Variants in TCF12 observed in about 807,000 individuals in gnomAD.
TCF12 encodes DNA-binding protein HTF4.
Under a neutral mutation model 86.0 loss-of-function variants are expected in TCF12, and 45 were observed. That is an observed-to-expected ratio of 0.52 (90% CI 0.41 to 0.67). The LOEUF (loss-of-function observed/expected upper bound fraction) is 0.67, where lower values mean the gene tolerates loss of function less well. TCF12 is among the 30% of genes least tolerant of loss of function. The pLI, the probability that TCF12 is intolerant of heterozygous loss-of-function variation, is 0.00. For synonymous variants in TCF12, 330 were observed against 299.6 expected (o/e 1.10, Z -1.05); for missense variants, 881 against 859.9 (o/e 1.02, Z -0.31).
chr15:56,983,998 T>C (rs1242832134), intron 3 of TCF12, among the ~76,000 whole-genome samples: 4 of 2,278 alleles, frequency 1.8e-3, no homozygotes, highest in Non-Finnish European at 0.017. Flanking sequence ...TGAGACCCTG[T>C]CTCAAAAAAA....
chr15:57,130,821 G>A (rs962510587), intron 5 of TCF12, among the ~76,000 whole-genome samples: 5 of 152,084 alleles, frequency 3.3e-5, no homozygotes, highest in South Asian at 4.1e-4. Context: ...CACAACTTAC[G>A]AGTTGTATGT....
chr15:57,183,681 GA>G (rs11312843), intron 6 of TCF12, among the ~76,000 whole-genome samples: 151,887 of 152,214 alleles, frequency 1, 75,781 homozygotes, highest in Middle Eastern at 1. Context: ...AATGGGGAAA[GA>G]AAAAAATGAA....
At chr15:57,046,612 T>C (rs2141514527) in intron 3 of TCF12, among the ~76,000 whole-genome samples, 1 of 152,096 alleles carries the variant, frequency 6.6e-6, no homozygotes, top group African/African-American at 2.4e-5. Flanking sequence ...CCACTTAATT[T>C]TTGTATGTTT....
chr15:57,229,725 T>G (rs1469393052), intron 8 of TCF12, among the ~76,000 whole-genome samples: 3 of 151,916 alleles, frequency 2.0e-5, no homozygotes, highest in African/African-American at 7.2e-5. Flanking sequence ...ACTTATTGCC[T>G]GCATACTTCG....
chr15:56,971,288 C>T (rs1156914291), intron 3 of TCF12, among the ~76,000 whole-genome samples: 2 of 151,706 alleles, frequency 1.3e-5, no homozygotes, highest in Non-Finnish European at 2.9e-5. Context: ...ATTAGCTGGG[C>T]GTGGTAGTGG....
chr15:57,213,581 C>T (rs552175832), intron 8 of TCF12, among the ~76,000 whole-genome samples: 4 of 152,148 alleles, frequency 2.6e-5, no homozygotes, highest in African/African-American at 4.8e-5. Context: ...ATGTTAACTT[C>T]TGGTCTTTTA....
At chr15:57,141,654 G>A (rs960912158) in intron 5 of TCF12, among the ~76,000 whole-genome samples, 32 of 152,162 alleles carry the variant, frequency 2.1e-4, no homozygotes, top group African/African-American at 7.5e-4. Context: ...CAGACCACTC[G>A]CTGTTATTTT....
intron 4 of TCF12, among the ~76,000 whole-genome samples, chr15:57,076,113 C>A (rs557350225): frequency 6.6e-6 from 1 of 151,562 alleles, no homozygotes; most frequent in African/African-American, 2.4e-5. Context: ...GCCTTGGCCT[C>A]CCAAAGTCCT....
chr15:57,090,327 CA>C (rs1283882326), intron 4 of TCF12, among the ~76,000 whole-genome samples: 2 of 152,170 alleles, frequency 1.3e-5, no homozygotes, highest in African/African-American at 4.8e-5. Context: ...CTGTATCAGA[CA>C]GGACTTATGG....
At chr15:57,086,209 G>GATAATAATA (rs1404728992) in intron 4 of TCF12, among the ~76,000 whole-genome samples, 134 of 39,342 alleles carry the variant, frequency 3.4e-3, no homozygotes, top group African/African-American at 0.011. Context: ...CTTGGATGAT[G>GATAATAATA]ATGATAATAA....
intron 5 of TCF12, among the ~76,000 whole-genome samples, chr15:57,124,486 C>T (rs1414631103): frequency 1.3e-5 from 2 of 151,994 alleles, no homozygotes; most frequent in African/African-American, 2.4e-5. Flanking sequence ...TTCATGGATC[C>T]GATTGAACTG....
Position 57,087,061 on chromosome 15 carries a change from G to GTCTCCCTCTC in TCF12, c.223-4718_223-4709dup, listed in dbSNP as rs201978581. ...CCTCTCTCTCCCTCTGTCTCCCTCT[G>GTCTCCCTCTC]TCTCCCTCTCTCTCCCTCTGTCTCC... On this transcript the variant is annotated intron_variant, in intron 4 of 20. Transcript: ENST00000333725. 1.5e-3 allele frequency among the ~76,000 whole-genome samples: 217 copies of GTCTCCCTCTC among 142,908 alleles called. 2 individuals carry two copies. The highest frequency in any genetic ancestry group is 5.4e-3 in the African/African-American group (203 of 37,906). The allele number at this position is 142,908 out of a possible 152,430, so 93.8% of individuals were successfully genotyped here. A position where few individuals can be genotyped will look rare whatever the true frequency, so the allele number is the denominator to read the frequency against.
chr15:57,213,012 A>G (rs759889924), intron 8 of TCF12, among the ~76,000 whole-genome samples: 2 of 152,244 alleles, frequency 1.3e-5, no homozygotes, highest in African/African-American at 2.4e-5. Flanking sequence ...ACTGCTACAT[A>G]GAACAAGTAG....
At chr15:57,087,272 C>T (rs556638516) in intron 4 of TCF12, among the ~76,000 whole-genome samples, 18 of 151,720 alleles carry the variant, frequency 1.2e-4, no homozygotes, top group Non-Finnish European at 2.4e-4. Flanking sequence ...ATTGGCTGGT[C>T]GTGGTGGTGT....
intron 3 of TCF12, among the ~76,000 whole-genome samples, chr15:56,940,583 T>C (rs934185363): frequency 4.9e-5 from 7 of 143,628 alleles, no homozygotes; most frequent in African/African-American, 1.3e-4. Flanking sequence ...TTCTTCTCCT[T>C]CTCCTCCTCC....
chr15:57,123,651 T>TAA (rs1331934971), intron 5 of TCF12, among the ~76,000 whole-genome samples: 1 of 144,938 alleles, frequency 6.9e-6, no homozygotes, highest in Non-Finnish European at 1.5e-5. Context: ...TCAGCTAATG[T>TAA]AAAAAAAAAA....
chr15:57,253,930 T>C (rs1417067756), intron 16 of TCF12, among the ~76,000 whole-genome samples: 2 of 152,192 alleles, frequency 1.3e-5, no homozygotes, highest in African/African-American at 4.8e-5. Flanking sequence ...GTAATTTCAG[T>C]AATAAATAAA....
chr15:57,246,118 A>T (rs544452743), intron 13 of TCF12, among the ~76,000 whole-genome samples: 10 of 152,128 alleles, frequency 6.6e-5, no homozygotes, highest in Non-Finnish European at 1.2e-4. Context: ...TATCTAGAGT[A>T]AAAAAATTCT....
chr15:56,987,506 G>A (rs1458111584), intron 3 of TCF12, among the ~76,000 whole-genome samples: 1 of 152,130 alleles, frequency 6.6e-6, no homozygotes, highest in South Asian at 2.1e-4. Context: ...GTCTGCCTGT[G>A]TCATGAGGAA....
Sources: allele counts gnomAD v4.1 joint callset (sites outside exome capture counted in the v4.1 genomes callset), GRCh38; gene constraint gnomAD v4.1.1; transcripts MANE v1.5; gene names NCBI Gene and HGNC (gene_info 2026-07-23, HGNC 2026-07-21).